COL6A2: variants seen among roughly 807,000 people sequenced by gnomAD.
The protein encoded by COL6A2 is collagen type VI alpha 2 chain.
COL6A2 carries 90 observed loss-of-function variants against 124.9 expected under a neutral mutation model. That is an observed-to-expected ratio of 0.72 (90% CI 0.61 to 0.86). The LOEUF (loss-of-function observed/expected upper bound fraction) is 0.86. Among genes scored for constraint, COL6A2 ranks in the 40% least tolerant of loss-of-function variants. The pLI, the probability that COL6A2 is intolerant of heterozygous loss-of-function variation, is 0.00. For synonymous variants in COL6A2, 793 were observed against 618.2 expected (o/e 1.28, Z -4.19); for missense variants, 1,607 against 1,502.5 (o/e 1.07, Z -1.15).
chr21:46,104,816 A>G (rs750348174), intron 1 of COL6A2, among the ~76,000 whole-genome samples: 6 of 152,256 alleles, frequency 3.9e-5, no homozygotes, highest in Non-Finnish European at 7.3e-5. Context: ...GGAATCCTCA[A>G]TAAAACTATT....
At chr21:46,107,639 A>G (rs1011091330) in intron 1 of COL6A2, among the ~76,000 whole-genome samples, 5 of 152,226 alleles carry the variant, frequency 3.3e-5, no homozygotes, top group African/African-American at 1.2e-4. Flanking sequence ...AGCCACTATG[A>G]GACTTCAGAA....
At chr21:46,128,763 C>A in intron 27 of COL6A2, 1 of 784,552 alleles carries the variant, frequency 1.3e-6, no homozygotes, top group Non-Finnish European at 2.3e-6. Flanking sequence ...GTGTAGAGGA[C>A]TCACATCCCA....
intron 1 of COL6A2, among the ~76,000 whole-genome samples, chr21:46,108,045 C>T (rs1601209184): frequency 6.6e-6 from 1 of 151,612 alleles, no homozygotes; most frequent in African/African-American, 2.4e-5. Flanking sequence ...TAAATTTTCT[C>T]TCCCTAATCT....
At chr21:46,102,510 T>C (rs1053320736) in intron 1 of COL6A2, among the ~76,000 whole-genome samples, 1 of 152,196 alleles carries the variant, frequency 6.6e-6, no homozygotes, top group African/African-American at 2.4e-5. Flanking sequence ...CCACTGAGTA[T>C]GATGTTCACT....
At position 46,125,767 on chromosome 21, in the gene COL6A2, C is replaced by CACGCGTGCGGCTTGCAGGG; in HGVS notation, c.1970-10_1978dup. 1 of 1,610,086 alleles carries CACGCGTGCGGCTTGCAGGG rather than the reference C, an allele frequency of 6.2e-7. No homozygotes were observed. The highest frequency in any genetic ancestry group is 8.5e-7 in the Non-Finnish European group (1 of 1,177,790). On this transcript the variant is annotated splice_polypyrimidine_tract_variant and intron_variant, in intron 25 of 27. Coordinates refer to ENST00000300527, the MANE Select transcript of COL6A2 (RefSeq NM_001849.4). The stretch of plus-strand genomic sequence containing the variant: ...ACCCCGAGGCCTCTGGCAACGACCT[C>CACGCGTGCGGCTTGCAGGG]ACGCGTGCGGCTTGCAGGGACGCGT...
In COL6A2 at chr21:46,116,503, G is replaced by A; in HGVS notation, c.927+100G>A. On this transcript the variant is annotated intron_variant, in intron 8 of 27. Coordinates refer to ENST00000300527, the MANE Select transcript of COL6A2 (RefSeq NM_001849.4). The surrounding 1 kb of genome is among the most constrained non-coding windows in gnomAD (Gnocchi z 4.6). ...GCCTGTCACTGCTCCTGGGGCACCG[G>A]CCTGGTCTTTTCTCAGTGGTGGCTT... The A allele has an allele frequency of 6.3e-7, 1 of 1,582,616 alleles. No individual in the cohort carries two copies. The highest frequency in any genetic ancestry group is 1.7e-5 in the Admixed American group (1 of 59,230).
In COL6A2 at chr21:46,111,966, C is replaced by T; in HGVS notation, c.116-13C>T. On this transcript the variant is annotated splice_polypyrimidine_tract_variant and intron_variant, in intron 2 of 27. Transcript: ENST00000300527. ...TCCTGAGGCTGGCTCGTGACAGGTC[C>T]TGTGCCCCACAGAGAAGACCGACTG... is the stretch of plus-strand genomic sequence containing the variant. The T allele has an allele frequency of 6.2e-7, 1 of 1,609,430 alleles. No homozygotes were observed. Among genetic ancestry groups the T allele is most frequent in the Non-Finnish European group, 8.5e-7 (1 of 1,179,070 alleles).
chr21:46,114,773 A>G (rs1314812290), intron 5 of COL6A2, among the ~76,000 whole-genome samples: 1 of 152,202 alleles, frequency 6.6e-6, no homozygotes, highest in African/African-American at 2.4e-5. Context: ...TTCCTAACAG[A>G]GGTGCATCAA....
intron 1 of COL6A2, 80 bp from the exon 2 acceptor site, chr21:46,111,370 C>T: frequency 1.3e-6 from 1 of 764,408 alleles, no homozygotes; most frequent in Non-Finnish European, 2.3e-6. Context: ...CGCTGACCTG[C>T]TGTGCGTGCG....
At chr21:46,098,585 A>G (rs1361788006) in intron 1 of COL6A2, among the ~76,000 whole-genome samples, 6 of 150,068 alleles carry the variant, frequency 4.0e-5, no homozygotes, top group Admixed American at 2.0e-4. Context: ...CGCGGGGAAG[A>G]CGCCCCGGCT....
At chr21:46,109,482 G>A (rs1256269541) in intron 1 of COL6A2, among the ~76,000 whole-genome samples, 1 of 152,172 alleles carries the variant, frequency 6.6e-6, no homozygotes, top group Non-Finnish European at 1.5e-5. Context: ...TGAAGGTGGG[G>A]CTTCACTGGG....
At chr21:46,129,470 G>A (rs937947934) in intron 27 of COL6A2, 4 of 1,594,714 alleles carry the variant, frequency 2.5e-6, no homozygotes, top group Non-Finnish European at 3.4e-6. Context: ...GGGACCCCGA[G>A]ACCGCGCTGG....
At chr21:46,118,715 C>G in intron 13 of COL6A2, 39 bp downstream of exon 13, 1 of 1,584,762 alleles carries the variant, frequency 6.3e-7, no homozygotes, top group Non-Finnish European at 8.6e-7. Context: ...CTGAGCTGGC[C>G]ACACTCACGC....
chr21:46,126,799 C>G (rs1463880089), intron 27 of COL6A2, among the ~76,000 whole-genome samples: 1 of 152,148 alleles, frequency 6.6e-6, no homozygotes, highest in Non-Finnish European at 1.5e-5. Context: ...GCGCTGTGCT[C>G]GGCATGTGGC....
chr21:46,127,638 A>C (rs2078692982), intron 27 of COL6A2, among the ~76,000 whole-genome samples: 1 of 150,416 alleles, frequency 6.6e-6, no homozygotes. Context: ...TCCTCCACCC[A>C]CCCCCTCGTT....
intron 1 of COL6A2, among the ~76,000 whole-genome samples, chr21:46,099,755 A>C (rs1377442904): frequency 2.6e-5 from 4 of 152,176 alleles, no homozygotes; most frequent in Non-Finnish European, 2.9e-5. Context: ...TGTAATGGGC[A>C]GGGGTGGTGG....
intron 27 of COL6A2, among the ~76,000 whole-genome samples, chr21:46,127,055 C>T (rs2078682006): frequency 6.6e-6 from 1 of 152,188 alleles, no homozygotes; most frequent in Non-Finnish European, 1.5e-5. Flanking sequence ...GGATGTGGCC[C>T]ACGTGGGTGT....
intron 27 of COL6A2, among the ~76,000 whole-genome samples, chr21:46,128,649 T>C (rs890228072): frequency 6.6e-6 from 1 of 152,228 alleles, no homozygotes; most frequent in East Asian, 1.9e-4. Flanking sequence ...CAATCAGCGA[T>C]AAGAGCTGCA....
rs1444148671 is a variant in COL6A2 at position 46,129,093 on chromosome 21, A to C, written c.2461+2552A>C. Reference sequence around the variant, plus strand: ...TTCCTCTACCGACTCGCCAGCCCAAATGCCGCTCTTCACTCTGGCCTCGCT... The same window carrying C: ...TTCCTCTACCGACTCGCCAGCCCAACTGCCGCTCTTCACTCTGGCCTCGCT... On this transcript the variant is annotated intron_variant, in intron 27 of 27. Transcript: ENST00000300527. 6 of 1,602,076 alleles carry C rather than the reference A, an allele frequency of 3.7e-6. No homozygotes were observed. In the African/African-American group the frequency reaches 6.7e-5, roughly 18 times the overall value.
Sources: allele counts gnomAD v4.1 joint callset (sites outside exome capture counted in the v4.1 genomes callset), GRCh38; gene constraint gnomAD v4.1.1; non-coding constraint Gnocchi (gnomAD v3.1); transcripts MANE v1.5; gene names NCBI Gene and HGNC (gene_info 2026-07-23, HGNC 2026-07-21).